The following ZNF610 variants were observed in gnomAD, a reference collection of about 807,000 sequenced individuals.
ZNF610 encodes zink finger protein.
ZNF610 carries 14 observed loss-of-function variants against 14.1 expected under a neutral mutation model. The observed-to-expected ratio is 0.99, with a 90% CI of 0.65 to 1.55. The LOEUF (loss-of-function observed/expected upper bound fraction) is 1.55, where lower values mean the gene tolerates loss of function less well. Ranked by LOEUF, ZNF610 falls within the 40% of genes most tolerant of loss-of-function variation. The probability of loss-of-function intolerance (pLI) is 0.00; values close to 1 mark genes in which losing one functional copy is unlikely to be tolerated. For missense variants in ZNF610, 530 were observed against 558.0 expected, an observed-to-expected ratio of 0.95 and a Z score of 0.51; for synonymous variants, 185 against 187.6, an observed-to-expected ratio of 0.99 and a Z score of 0.11.
chr19:52,353,727 G>C lies in ZNF610; in HGVS notation c.109G>C (p.Glu37Gln). 6.2e-7 allele frequency: 1 copy of C among 1,613,998 alleles called. No homozygotes were observed. Among genetic ancestry groups the C allele is most frequent in the Non-Finnish European group, 8.5e-7 (1 of 1,179,960 alleles). ...MDVAIEFSQE[E>Q]WKSLDPGQRA... is the part of the protein sequence containing the mutation. Reference sequence around the variant, plus strand: ...CGTGGCCATCGAATTCTCTCAGGAGGAGTGGAAATCCCTGGACCCTGGACA... The same window carrying C: ...CGTGGCCATCGAATTCTCTCAGGAGCAGTGGAAATCCCTGGACCCTGGACA... Residue 37 changes from glutamate to glutamine, a missense_variant, in exon 4 of 6, where the codon GAG becomes CAG. By Grantham distance (29) the Glu-to-Gln change is conservative. Coordinates refer to ENST00000403906, the MANE Select transcript of ZNF610 (RefSeq NM_001161425.2).
chr19:52,357,292 G>T (rs556879553), intron 5 of ZNF610, among the ~76,000 whole-genome samples: 2 of 152,200 alleles, frequency 1.3e-5, no homozygotes, highest in Non-Finnish European at 2.9e-5. Context: ...TGAGGTGGGC[G>T]CATTACTTGA....
chr19:52,354,580 ATTT>A (rs201439857), intron 5 of ZNF610, among the ~76,000 whole-genome samples: 1,522 of 123,338 alleles, frequency 0.012, 9 homozygotes, highest in African/African-American at 0.046. Flanking sequence ...AAGCCATACT[ATTT>A]TTTTTTTTTT....
intron 1 of ZNF610, among the ~76,000 whole-genome samples, chr19:52,337,388 TAGGG>T (rs1163934791): frequency 1.3e-5 from 2 of 150,164 alleles, no homozygotes; most frequent in Non-Finnish European, 1.5e-5. Flanking sequence ...GAAGCAGAGA[TAGGG>T]AGGGCAAGAA....
rs1051898235 is a variant in ZNF610, at chr19:52,346,245, A to G, written c.-257-1462A>G. 2.6e-5 allele frequency among the ~76,000 whole-genome samples: 4 copies of G among 150,958 alleles called. No homozygotes were observed. The South Asian group carries it at 8.3e-4, about 31-fold the overall frequency. ...TGTTGCCCAGGCTCAGCTCACTGCAACGTCTGCCTTCCGGGTTCCAGCGAT... is the reference window on the plus strand; with the variant it reads ...TGTTGCCCAGGCTCAGCTCACTGCAGCGTCTGCCTTCCGGGTTCCAGCGAT... On this transcript the variant is annotated intron_variant, in intron 1 of 5. Coordinates refer to ENST00000403906, the MANE Select transcript of ZNF610 (RefSeq NM_001161425.2).
In ZNF610 at chr19:52,347,419, T is replaced by C. The variant is rs182327788; in HGVS notation, c.-257-288T>C. 3.3e-5 allele frequency among the ~76,000 whole-genome samples: 5 copies of C among 152,298 alleles called. No homozygotes were observed. In the East Asian group the frequency reaches 9.6e-4, roughly 29 times the overall value. On this transcript the variant is annotated intron_variant, in intron 1 of 5. Coordinates refer to ENST00000403906, the MANE Select transcript of ZNF610 (RefSeq NM_001161425.2). ...TTATTGTAGAAGTCAAAAAGTTTAA[T>C]TTAGAAGTTTATAAAGTCAAAAAGT...
In ZNF610 at chr19:52,354,156, T is replaced by G. The variant is rs1428170120; in HGVS notation, c.191-95T>G. On this transcript the variant is annotated intron_variant, in intron 4 of 5. Transcript: ENST00000403906. ...TGGGTGAACTTGTGAGATATTATTCTTGATCCATTTGCGATATCCCCTCTC... is the reference window on the plus strand; with the variant it reads ...TGGGTGAACTTGTGAGATATTATTCGTGATCCATTTGCGATATCCCCTCTC... 7 of 1,521,108 alleles carry G rather than the reference T, an allele frequency of 4.6e-6. No homozygotes were observed. The Admixed American group carries it at 9.8e-5, about 21-fold the overall frequency. 94.2% of individuals were successfully genotyped at this position (1,521,108 alleles called of 1,614,324 possible). A position where few individuals can be genotyped will look rare whatever the true frequency, so the allele number is the denominator to read the frequency against.
intron 5 of ZNF610, among the ~76,000 whole-genome samples, chr19:52,356,173 T>C (rs1985514700): frequency 6.6e-6 from 1 of 152,216 alleles, no homozygotes; most frequent in African/African-American, 2.4e-5. Context: ...TGTATTCTTA[T>C]TCCACAAGGC....
Position 52,366,578 on chromosome 19 carries a change from C to A in ZNF610, c.1200C>A (p.Tyr400Ter). 1 of 1,614,206 alleles carries A rather than the reference C, an allele frequency of 6.2e-7. No individual in the cohort carries two copies. Among genetic ancestry groups the A allele is most frequent in the South Asian group, 1.1e-5 (1 of 91,086 alleles). Residue 400 changes from tyrosine to a stop codon, truncating the protein, a stop_gained, in exon 6 of 6, where the codon TAC becomes TAA. Coordinates refer to ENST00000403906, the MANE Select transcript of ZNF610 (RefSeq NM_001161425.2). LOFTEE classifies it low-confidence loss of function (END_TRUNC). ...HLLIHTGEKP[Y>*]KCNECDKVFG... ...TAATCCATACTGGAGAGAAACCTTACAAATGTAATGAATGTGACAAAGTCT... is the reference window on the plus strand; with the variant it reads ...TAATCCATACTGGAGAGAAACCTTAAAAATGTAATGAATGTGACAAAGTCT...
At chr19:52,352,727 G>C (rs948712922) in intron 3 of ZNF610, among the ~76,000 whole-genome samples, 1 of 151,914 alleles carries the variant, frequency 6.6e-6, no homozygotes, top group Non-Finnish European at 1.5e-5. Flanking sequence ...GTGGTAATTG[G>C]CTGCAGCACA....
intron 1 of ZNF610, chr19:52,345,403 G>A (rs1051193841): frequency 3.9e-5 from 6 of 152,188 alleles, no homozygotes; most frequent in Admixed American, 3.9e-4. Context: ...TGGTGATGCT[G>A]GGGGAAACGA....
intron 5 of ZNF610, 143 bp downstream of exon 5, chr19:52,354,522 C>T (rs1443877704): frequency 6.7e-6 from 6 of 893,308 alleles, no homozygotes; most frequent in East Asian, 2.7e-5. Flanking sequence ...AAGCAATCCT[C>T]CTGCCTTGGC....
chr19:52,367,109 T>TA lies in ZNF610; in HGVS notation c.*345dup, dbSNP rs923809013. 3.2e-4 allele frequency: 41 copies of TA among 127,032 alleles called. No individual in the cohort carries two copies. The highest frequency in any genetic ancestry group is 4.9e-4 in the Non-Finnish European group (37 of 75,784). The allele number at this position is 127,032 out of a possible 1,614,324, so 7.9% of individuals were successfully genotyped here. ...TTCTCATGTTTTAAGTAATAAAGTT[T>TA]AAAGTTTTTTTTTAGTTTTTTCTTT... On this transcript the variant is annotated 3_prime_UTR_variant, in exon 6 of 6. Coordinates refer to ENST00000403906, the MANE Select transcript of ZNF610 (RefSeq NM_001161425.2).
chr19:52,343,473 G>A (rs1318490819), intron 1 of ZNF610, among the ~76,000 whole-genome samples: 1 of 114,634 alleles, frequency 8.7e-6, no homozygotes, highest in African/African-American at 3.5e-5. Context: ...GGAGGCTGAG[G>A]CAGGAGAATT....
chr19:52,349,369 C>T (rs548835927), intron 3 of ZNF610, 134 bp downstream of exon 3: 12 of 1,355,766 alleles, frequency 8.9e-6, no homozygotes, highest in Admixed American at 5.6e-5. Context: ...TTCTATCTCT[C>T]GTGACCCAGT....
intron 5 of ZNF610, among the ~76,000 whole-genome samples, chr19:52,363,712 A>G (rs1404184900): frequency 1.3e-5 from 2 of 152,180 alleles, no homozygotes; most frequent in African/African-American, 4.8e-5. Flanking sequence ...TTTGCATGGA[A>G]TATCCTTTTC....
At chr19:52,364,579 T>C (rs1174993574) in intron 5 of ZNF610, among the ~76,000 whole-genome samples, 2 of 152,132 alleles carry the variant, frequency 1.3e-5, no homozygotes, top group African/African-American at 4.8e-5. Context: ...GTTTGTTTGT[T>C]TGAGAAGGAG....
At position 52,366,800 on chromosome 19, in the gene ZNF610, T is replaced by C; in HGVS notation, c.*33T>C. 6.6e-7 allele frequency: 1 copy of C among 1,513,338 alleles called. No homozygotes were observed. Among genetic ancestry groups the C allele is most frequent in the African/African-American group, 1.4e-5 (1 of 72,656 alleles). The allele number at this position is 1,513,338 out of a possible 1,614,324, so 93.7% of individuals were successfully genotyped here. ...AAAATCTTTAGTTAGAATTCACACC[T>C]AGCACAACATTGGAGGACTCAGGAG... On this transcript the variant is annotated 3_prime_UTR_variant, in exon 6 of 6. Transcript: ENST00000403906.
At chr19:52,364,878 G>A (rs1160145157) in intron 5 of ZNF610, among the ~76,000 whole-genome samples, 4 of 152,034 alleles carry the variant, frequency 2.6e-5, no homozygotes, top group East Asian at 1.9e-4. Flanking sequence ...GCACCCAGCC[G>A]TATTTTTTTT....
chr19:52,350,727 G>A (rs1021508143), intron 3 of ZNF610, among the ~76,000 whole-genome samples: 5 of 152,084 alleles, frequency 3.3e-5, no homozygotes, highest in African/African-American at 1.2e-4. Context: ...AAGGCTGGAC[G>A]CTGTGGCTCA....
Sources: allele counts gnomAD v4.1 joint callset (sites outside exome capture counted in the v4.1 genomes callset), GRCh38; gene constraint gnomAD v4.1.1; transcripts MANE v1.5; gene names NCBI Gene and HGNC (gene_info 2026-07-23, HGNC 2026-07-21).